DSC1: variants seen among roughly 807,000 people sequenced by gnomAD.
DSC1 encodes the protein desmocollin-1.
In DSC1, 79 loss-of-function variants were observed where a neutral mutation model predicts 98.8. The observed-to-expected ratio is 0.80, with a 90% CI of 0.67 to 0.96. The LOEUF (loss-of-function observed/expected upper bound fraction) is 0.96, where lower values mean the gene tolerates loss of function less well. Among genes scored for constraint, DSC1 ranks in the 50% least tolerant of loss-of-function variants. DSC1 has a pLI of 0.00. For synonymous variants in DSC1, 405 were observed against 372.1 expected (o/e 1.09, Z -1.02); for missense variants, 1,115 against 1,075.9 (o/e 1.04, Z -0.51).
At chr18:31,138,907 G>C (rs1283024676) in intron 11 of DSC1, among the ~76,000 whole-genome samples, 2 of 151,912 alleles carry the variant, frequency 1.3e-5, no homozygotes, top group African/African-American at 4.8e-5. Flanking sequence ...ATTATTTATG[G>C]CAATTTGCCA....
intron 2 of DSC1, among the ~76,000 whole-genome samples, chr18:31,158,806 C>A (rs528984685): frequency 1.4e-4 from 22 of 152,148 alleles, no homozygotes; most frequent in African/African-American, 5.1e-4. Context: ...ATTGAAGAAT[C>A]TTGGCTTTGA....
intron 3 of DSC1, 86 bp downstream of exon 3, chr18:31,157,285 A>C: frequency 2.9e-6 from 4 of 1,367,008 alleles, no homozygotes; most frequent in Non-Finnish European, 4.0e-6. Context: ...ATAGATTTTA[A>C]CATGAAACAC....
intron 3 of DSC1, among the ~76,000 whole-genome samples, chr18:31,156,792 T>G (rs1036171793): frequency 3.3e-5 from 5 of 152,186 alleles, no homozygotes; most frequent in African/African-American, 9.7e-5. Context: ...AGCAACTTTT[T>G]CCTCCCTGCT....
intron 14 of DSC1, 151 bp from the exon 15 acceptor site, chr18:31,131,993 G>A: frequency 2.2e-6 from 2 of 903,362 alleles, no homozygotes; most frequent in East Asian, 2.7e-5. Flanking sequence ...TAGGTGTGAT[G>A]GGTTGAATTG....
At chr18:31,156,889 A>G (rs909850458) in intron 3 of DSC1, among the ~76,000 whole-genome samples, 3 of 151,982 alleles carry the variant, frequency 2.0e-5, no homozygotes, top group African/African-American at 7.3e-5. Flanking sequence ...CCACACCTCC[A>G]CTCTCTGAAG....
intron 13 of DSC1, 133 bp downstream of exon 13, chr18:31,133,758 C>T: frequency 1.1e-6 from 1 of 923,828 alleles, no homozygotes; most frequent in Non-Finnish European, 1.6e-6. Context: ...AGCCCCAAGA[C>T]ATAAAATAGA....
chr18:31,143,775 TG>T lies in DSC1; in HGVS notation c.955del (p.Gln319SerfsTer2). 6.3e-7 allele frequency: 1 copy of T among 1,592,872 alleles called. No homozygotes were observed. The highest frequency in any genetic ancestry group is 8.5e-7 in the Non-Finnish European group (1 of 1,170,602). On this transcript the variant is annotated frameshift_variant, in exon 8 of 16. Coordinates refer to ENST00000257198, the MANE Select transcript of DSC1 (RefSeq NM_024421.2). LOFTEE classifies it high-confidence loss of function. ...CATGTCTCGCACTTCCATTATTAAC[TG>T]GTAAGTATCACATTTCTGAAAAAAA... ...FLDREKCDTYQLIMEVRDMGG... is the reference protein window; with the variant it reads ...FLDREKCDTYXLIMEVRDMGG...
chr18:31,157,501 T>C lies in DSC1; in HGVS notation c.221A>G (p.Asp74Gly). ...GTCATGTGTTGTGTAAATTGAGCCA[T>C]CTTCTAGAATTCTGAAGGCAGGGTC... ...SSDPAFRILE[D>G]GSIYTTHDLI... The change falls in exon 3 of 16, where the codon GAT becomes GGT. Residue 74 changes from aspartate (D) to glycine (G), a missense_variant. By Grantham distance (94) the Asp-to-Gly change is moderately conservative (BLOSUM62 -1). Coordinates refer to ENST00000257198, the MANE Select transcript of DSC1 (RefSeq NM_024421.2). The C allele has an allele frequency of 6.2e-7, 1 of 1,614,224 alleles. No individual in the cohort carries two copies. The highest frequency in any genetic ancestry group is 8.5e-7 in the Non-Finnish European group (1 of 1,180,042).
intron 6 of DSC1, among the ~76,000 whole-genome samples, chr18:31,146,724 G>T (rs1988854480): frequency 6.6e-6 from 1 of 152,132 alleles, no homozygotes; most frequent in South Asian, 2.1e-4. Context: ...AGTGTTCATG[G>T]ACCATTTTTG....
rs767727432 is a variant in DSC1, at chr18:31,162,628, A to G, written c.-34T>C. The G allele has an allele frequency of 5.0e-5, 80 of 1,607,646 alleles. No individual in the cohort carries two copies. Among genetic ancestry groups the G allele is most frequent in the Non-Finnish European group, 6.7e-5 (79 of 1,174,406 alleles). On this transcript the variant is annotated 5_prime_UTR_variant, in exon 1 of 16. Transcript: ENST00000257198. ...GTCCCAATGGCCAGGGACGGTGGCC[A>G]GATAACAGGGCAGCCTGGGATGCAC...
rs79112131 is a variant in DSC1 at position 31,151,768 on chromosome 18, G to A, written c.627+3006C>T. ...GCATTCAGTAGATGGGGCAGAGAAA[G>A]GAGAGAGCAGTAACACCAAAGCTGA... On this transcript the variant is annotated intron_variant, in intron 5 of 15. Transcript: ENST00000257198. Among the ~76,000 whole-genome samples, 950 of 152,264 alleles carry A rather than the reference G, an allele frequency of 6.2e-3. 10 individuals carry two copies. The highest frequency in any genetic ancestry group is 0.021 in the African/African-American group (891 of 41,544).
intron 11 of DSC1, among the ~76,000 whole-genome samples, chr18:31,136,085 A>C (rs562135877): frequency 1.3e-5 from 2 of 151,966 alleles, no homozygotes; most frequent in African/African-American, 4.8e-5. Flanking sequence ...TTTTAAAACT[A>C]CCTGAACAAA....
chr18:31,145,496 C>T, intron 7 of DSC1, 115 bp downstream of exon 7: 3 of 1,195,204 alleles, frequency 2.5e-6, no homozygotes, highest in Non-Finnish European at 3.6e-6. Context: ...TAACCGCAGC[C>T]TACAGAAGCA....
Position 31,156,178 on chromosome 18 carries a change from A to G in DSC1, c.352-16T>C, listed in dbSNP as rs372116658. ...TCTTAGGAGACTACATTTGACAAGA[A>G]ACAAAGAAATGTAGCATTGCTTATC... is the stretch of plus-strand genomic sequence containing the variant. On this transcript the variant is annotated splice_polypyrimidine_tract_variant and intron_variant, in intron 3 of 15. Coordinates refer to ENST00000257198, the MANE Select transcript of DSC1 (RefSeq NM_024421.2). 1.9e-6 allele frequency: 3 copies of G among 1,595,232 alleles called. No individual in the cohort carries two copies. The highest frequency in any genetic ancestry group is 2.6e-6 in the Non-Finnish European group (3 of 1,175,358).
intron 5 of DSC1, 102 bp from the exon 6 acceptor site, chr18:31,148,744 ATTCCC>A: frequency 3.7e-6 from 4 of 1,087,966 alleles, no homozygotes; most frequent in Non-Finnish European, 5.1e-6. Context: ...AAAAAAAATC[ATTCCC>A]AAAGACCCGT....
intron 6 of DSC1, among the ~76,000 whole-genome samples, chr18:31,146,807 T>C (rs1163563803): frequency 6.6e-6 from 1 of 152,198 alleles, no homozygotes; most frequent in Non-Finnish European, 1.5e-5. Flanking sequence ...GAATACCACA[T>C]CTTTTCATGT....
chr18:31,150,602 C>T (rs2144951023), intron 5 of DSC1, among the ~76,000 whole-genome samples: 1 of 152,116 alleles, frequency 6.6e-6, no homozygotes, highest in East Asian at 1.9e-4. Context: ...CCACCACTAT[C>T]ATCAGCACCA....
intron 11 of DSC1, 27 bp downstream of exon 11, chr18:31,139,721 A>G (rs1237418006): frequency 6.5e-7 from 1 of 1,545,084 alleles, no homozygotes; most frequent in Admixed American, 2.1e-5. Context: ...ATATATTTAT[A>G]TTTTATCTGT....
At chr18:31,162,420 A>G (rs1046301808) in intron 1 of DSC1, 112 bp downstream of exon 1, 13 of 997,898 alleles carry the variant, frequency 1.3e-5, no homozygotes, top group East Asian at 2.4e-5. Context: ...GTTTTCCCCA[A>G]TCTCTCTTCT....
Sources: allele counts gnomAD v4.1 joint callset (sites outside exome capture counted in the v4.1 genomes callset), GRCh38; gene constraint gnomAD v4.1.1; transcripts MANE v1.5; gene names NCBI Gene and HGNC (gene_info 2026-07-23, HGNC 2026-07-21).